The following POLK variants were observed in gnomAD, a reference collection of about 807,000 sequenced individuals.
The protein encoded by POLK is polymerase (DNA directed) kappa.
A neutral mutation model predicts 94.0 loss-of-function variants in POLK; 76 were observed. The observed-to-expected ratio is 0.81, with a 90% confidence interval of 0.67 to 0.98. The LOEUF is 0.98. Among genes scored for constraint, POLK ranks in the 50% least tolerant of loss-of-function variants. POLK has a pLI of 0.00. For missense variants in POLK, 954 were observed against 1,010.1 expected, an observed-to-expected ratio of 0.94 and a Z score of 0.75; for synonymous variants, 349 against 325.4, an observed-to-expected ratio of 1.07 and a Z score of -0.78.
At chr5:75,567,485 T>G (rs1195778503) in intron 3 of POLK, among the ~76,000 whole-genome samples, 1 of 152,226 alleles carries the variant, frequency 6.6e-6, no homozygotes, top group South Asian at 2.1e-4. Flanking sequence ...GATTTTACTG[T>G]AAGAAGTTAG....
chr5:75,510,951 T>G (rs765571985), upstream of POLK, among the ~76,000 whole-genome samples: 1 of 152,080 alleles, frequency 6.6e-6, no homozygotes, highest in Non-Finnish European at 1.5e-5. Context: ...ACAAGGACAG[T>G]GCCCCTATAT....
intron 8 of POLK, among the ~76,000 whole-genome samples, chr5:75,583,762 A>G (rs1465617992): frequency 6.6e-6 from 1 of 152,180 alleles, no homozygotes; most frequent in Non-Finnish European, 1.5e-5. Flanking sequence ...ATTAATGGGC[A>G]TGATGCTTCA....
chr5:75,602,440 C>G (rs1019081478), downstream of POLK, among the ~76,000 whole-genome samples: 1 of 152,134 alleles, frequency 6.6e-6, no homozygotes, highest in Non-Finnish European at 1.5e-5. Context: ...AGGAGCTAGT[C>G]AAGGAAGGGC....
At chr5:75,603,967 G>T (rs1389625225), downstream of POLK, among the ~76,000 whole-genome samples, 1 of 152,174 alleles carries the variant, frequency 6.6e-6, no homozygotes, top group Non-Finnish European at 1.5e-5. Context: ...TAGGCCCCAA[G>T]AGATCCTGGG....
intron 7 of POLK, 132 bp downstream of exon 7, chr5:75,581,580 A>AACAACT: frequency 1.3e-6 from 1 of 764,174 alleles, no homozygotes. Context: ...TTCAACTTCT[A>AACAACT]ACAACTTTAC....
exon 8 of POLK, chr5:75,583,352 C>G: frequency 6.2e-7 from 1 of 1,602,932 alleles, no homozygotes; most frequent in Non-Finnish European, 8.5e-7. Flanking sequence ...ACCAAATGGA[C>G]AATACCAAAT....
chr5:75,516,202 C>G (rs1401295839), intron 1 of POLK, among the ~76,000 whole-genome samples: 1 of 152,180 alleles, frequency 6.6e-6, no homozygotes, highest in Non-Finnish European at 1.5e-5. Context: ...ATTGTTCACT[C>G]AGCTGTGAAG....
intron 13 of POLK, 128 bp downstream of exon 13, chr5:75,597,306 A>C: frequency 1.6e-6 from 1 of 628,488 alleles, no homozygotes; most frequent in Non-Finnish European, 2.8e-6. Flanking sequence ...CCATTTAGGG[A>C]AATGTTGGTT....
chr5:75,525,053 C>T (rs888556298), intron 1 of POLK, among the ~76,000 whole-genome samples: 1 of 152,172 alleles, frequency 6.6e-6, no homozygotes, highest in African/African-American at 2.4e-5. Context: ...AATATTAACA[C>T]TCTTCAGAAA....
At chr5:75,537,360 G>T (rs1309341346) in intron 1 of POLK, among the ~76,000 whole-genome samples, 2 of 152,304 alleles carry the variant, frequency 1.3e-5, no homozygotes, top group Non-Finnish European at 1.5e-5. Flanking sequence ...TCCCCCTGGG[G>T]GCTCTCACTC....
At chr5:75,514,458 TTTGTAAGTAGCAA>T (rs1768227139) in intron 1 of POLK, among the ~76,000 whole-genome samples, 1 of 152,200 alleles carries the variant, frequency 6.6e-6, no homozygotes, top group Non-Finnish European at 1.5e-5. Flanking sequence ...ATCATAGCCT[TTTGTAAGTAGCAA>T]TTATCATTTG....
intron 1 of POLK, among the ~76,000 whole-genome samples, chr5:75,541,235 G>A (rs1769723625): frequency 6.6e-6 from 1 of 151,922 alleles, no homozygotes. Flanking sequence ...AGGTTGCCGT[G>A]AGCCGATATC....
intron 12 of POLK, among the ~76,000 whole-genome samples, chr5:75,595,270 A>AAAAAAAAAAAAAAAAAAAAAAAAAC (rs1773015119): frequency 6.7e-6 from 1 of 149,132 alleles, no homozygotes; most frequent in Admixed American, 6.6e-5. Context: ...AAAAAAAAAA[A>AAAAAAAAAAAAAAAAAAAAAAAAAC]AAAGCCCAAG....
intron 1 of POLK, among the ~76,000 whole-genome samples, chr5:75,538,083 C>T (rs1057381691): frequency 6.6e-6 from 1 of 152,086 alleles, no homozygotes; most frequent in African/African-American, 2.4e-5. Context: ...GTCTCGATCT[C>T]CTGACCTTGT....
At chr5:75,527,088 G>A (rs994228035) in intron 1 of POLK, among the ~76,000 whole-genome samples, 8 of 152,114 alleles carry the variant, frequency 5.3e-5, no homozygotes, top group Non-Finnish European at 1.2e-4. Context: ...AAGATATTGT[G>A]TATTAAATTT....
intron 4 of POLK, among the ~76,000 whole-genome samples, chr5:75,572,877 G>A (rs1338792177): frequency 6.6e-6 from 1 of 152,222 alleles, no homozygotes; most frequent in African/African-American, 2.4e-5. Context: ...GTGCTGGAGA[G>A]GATGTGGAGA....
At chr5:75,533,981 T>C (rs1388135634) in intron 1 of POLK, among the ~76,000 whole-genome samples, 7 of 152,148 alleles carry the variant, frequency 4.6e-5, no homozygotes, top group African/African-American at 1.7e-4. Flanking sequence ...AAGGAGCTTT[T>C]GGAGCTGGGC....
intron 2 of POLK, among the ~76,000 whole-genome samples, chr5:75,550,866 A>G (rs901198965): frequency 6.6e-6 from 1 of 152,060 alleles, no homozygotes; most frequent in African/African-American, 2.4e-5. Context: ...AAGAATGTCC[A>G]CTCTCACCTT....
Position 75,596,613 on chromosome 5 carries a change from T to A in POLK, c.1920T>A (p.Asn640Lys), listed in dbSNP as rs774340822. Reference sequence around the variant, plus strand: ...GGTGCATCAGTCTGGAAGCCTTGAATAAACATGTAGATGAATGTCTTGATG... The same window carrying A: ...GGTGCATCAGTCTGGAAGCCTTGAAAAAACATGTAGATGAATGTCTTGATG... Residue 640 changes from asparagine to lysine, a missense_variant, in exon 13 of 15, where the codon AAT becomes AAA. Coordinates refer to ENST00000241436, the Ensembl canonical transcript of POLK. The A allele has an allele frequency of 4.3e-6, 7 of 1,614,052 alleles. 1 individual carries two copies. In the South Asian group the frequency reaches 7.7e-5, roughly 18 times the overall value.
Sources: gnomAD v4.1 joint callset for allele counts (sites outside exome capture counted in the v4.1 genomes callset) on GRCh38, gnomAD v4.1.1 for gene constraint, MANE v1.5 for transcripts, NCBI Gene and HGNC (gene_info 2026-07-23, HGNC 2026-07-21) for gene names.